The following KIF26B variants were observed in gnomAD, a reference collection of about 807,000 sequenced individuals.
KIF26B encodes the protein kinesin family member 26B, also known as kinesin-like protein KIF26B.
KIF26B carries 63 observed loss-of-function variants against 151.2 expected under a neutral mutation model. The observed-to-expected ratio is 0.42, with a 90% CI of 0.34 to 0.51. The LOEUF (loss-of-function observed/expected upper bound fraction) is 0.51. KIF26B is among the 20% of genes least tolerant of loss of function. The pLI, the probability that KIF26B is intolerant of heterozygous loss-of-function variation, is 0.07. For missense variants in KIF26B, 2,813 were observed against 2,913.6 expected, an observed-to-expected ratio of 0.97 and a Z score of 0.79; for synonymous variants, 1,357 against 1,262.1, an observed-to-expected ratio of 1.08 and a Z score of -1.59.
chr1:245,356,680 C>G (rs560441317), intron 2 of KIF26B, among the ~76,000 whole-genome samples: 1 of 152,362 alleles, frequency 6.6e-6, no homozygotes, highest in South Asian at 2.1e-4. Flanking sequence ...TGTGTGCCTA[C>G]TTGACTTCAG....
At chr1:245,562,193 G>A (rs2042963317) in intron 5 of KIF26B, among the ~76,000 whole-genome samples, 1 of 152,170 alleles carries the variant, frequency 6.6e-6, no homozygotes, top group Non-Finnish European at 1.5e-5. Flanking sequence ...GGCAGAGAGG[G>A]ACCTGGGGAG....
Position 245,460,710 on chromosome 1 carries a change from G to A in KIF26B, c.1166+40965G>A, listed in dbSNP as rs182626441. On this transcript the variant is annotated intron_variant, in intron 4 of 14. Transcript: ENST00000407071. ...ATGCCAACCTGCCTTTTCTTCCAGC[G>A]GCAGAGGACCTCAGGCCGTGGTGTG... Among the ~76,000 whole-genome samples, 18 of 152,310 alleles carry A rather than the reference G, an allele frequency of 1.2e-4. No individual in the cohort carries two copies. In the East Asian group the frequency reaches 3.1e-3, roughly 26 times the overall value.
chr1:245,640,577 A>G (rs768651869), intron 9 of KIF26B, among the ~76,000 whole-genome samples: 2 of 151,978 alleles, frequency 1.3e-5, no homozygotes, highest in Non-Finnish European at 2.9e-5. Flanking sequence ...TAGTTGTTAT[A>G]TAGTGTACCT....
chr1:245,537,688 A>T (rs1385770138), intron 4 of KIF26B, among the ~76,000 whole-genome samples: 2 of 152,204 alleles, frequency 1.3e-5, no homozygotes, highest in African/African-American at 2.4e-5. Context: ...CGAAGAAGTC[A>T]TTGGAAGGAT....
chr1:245,630,008 A>T (rs1365387581), intron 9 of KIF26B, among the ~76,000 whole-genome samples: 2 of 152,244 alleles, frequency 1.3e-5, no homozygotes, highest in Non-Finnish European at 2.9e-5. Flanking sequence ...TCATTAGAGA[A>T]ATGCAAATCA....
intron 9 of KIF26B, among the ~76,000 whole-genome samples, chr1:245,629,062 G>A (rs2043753281): frequency 6.6e-6 from 1 of 152,072 alleles, no homozygotes; most frequent in South Asian, 2.1e-4. Flanking sequence ...ACCCCTTCAA[G>A]GAGAACTACA....
At chr1:245,246,930 GACAC>G (rs1228603022) in intron 2 of KIF26B, among the ~76,000 whole-genome samples, 3 of 144,158 alleles carry the variant, frequency 2.1e-5, no homozygotes, top group Admixed American at 6.9e-5. Flanking sequence ...CACAGACACA[GACAC>G]ACACAGATAC....
intron 10 of KIF26B, among the ~76,000 whole-genome samples, chr1:245,663,188 A>T (rs907404645): frequency 6.9e-6 from 1 of 144,674 alleles, no homozygotes; most frequent in Admixed American, 7.2e-5. Context: ...CCTGGCAGTA[A>T]GCTGGGGCAC....
At position 245,189,899 on chromosome 1, in the gene KIF26B, A is replaced by G. The variant is rs192562700; in HGVS notation, c.465+33216A>G. Among the ~76,000 whole-genome samples, 603 of 152,360 alleles carry G rather than the reference A, an allele frequency of 4.0e-3. 5 individuals are homozygous for G. Among genetic ancestry groups the G allele is most frequent in the Non-Finnish European group, 5.9e-3 (402 of 68,036 alleles). The stretch of plus-strand genomic sequence containing the variant: ...TGAAAGTCACGTCTTACATGGTGGC[A>G]GACAAGAGAGAAAGAGAGTGAAGTG... On this transcript the variant is annotated intron_variant, in intron 2 of 14. Transcript: ENST00000407071.
chr1:245,468,903 T>A (rs1011192964), intron 4 of KIF26B, among the ~76,000 whole-genome samples: 8 of 152,222 alleles, frequency 5.3e-5, no homozygotes, highest in Non-Finnish European at 1.2e-4. Context: ...CAAGTGAAAC[T>A]ACTTGCTAAA....
At chr1:245,409,229 G>A (rs1674215885) in intron 3 of KIF26B, among the ~76,000 whole-genome samples, 1 of 152,220 alleles carries the variant, frequency 6.6e-6, no homozygotes, top group Non-Finnish European at 1.5e-5. Context: ...TTTTTAAAAA[G>A]CTTGATCTCT....
intron 4 of KIF26B, among the ~76,000 whole-genome samples, chr1:245,422,928 G>A (rs373318497): frequency 2.6e-5 from 4 of 151,882 alleles, no homozygotes; most frequent in Non-Finnish European, 4.4e-5. Flanking sequence ...GTGAGACCCC[G>A]TCTCTACTAA....
At chr1:245,484,233 T>C (rs545045008) in intron 4 of KIF26B, among the ~76,000 whole-genome samples, 1 of 152,042 alleles carries the variant, frequency 6.6e-6, no homozygotes. Context: ...TAACTCACTT[T>C]GGGCAGTATT....
chr1:245,481,921 G>A (rs1012953442), intron 4 of KIF26B, among the ~76,000 whole-genome samples: 2 of 151,592 alleles, frequency 1.3e-5, no homozygotes, highest in African/African-American at 4.8e-5. Flanking sequence ...GCGTCTAACC[G>A]ATAGGGACTC....
intron 2 of KIF26B, among the ~76,000 whole-genome samples, chr1:245,362,936 A>G (rs6703526): frequency 0.016 from 2,427 of 152,344 alleles, 80 homozygotes; most frequent in African/African-American, 0.054. Flanking sequence ...GACCTTAAAC[A>G]TAGAAGTTCA....
chr1:245,259,919 A>G (rs1670601117), intron 2 of KIF26B, among the ~76,000 whole-genome samples: 1 of 124,026 alleles, frequency 8.1e-6, no homozygotes, highest in South Asian at 2.8e-4. Context: ...TGAGTGACAG[A>G]GCGAGGTCCT....
At chr1:245,522,002 T>TTGACCATGGACCACGCTGGTAGATGCCTG (rs1661128143) in intron 4 of KIF26B, among the ~76,000 whole-genome samples, 1 of 151,730 alleles carries the variant, frequency 6.6e-6, no homozygotes, top group Non-Finnish European at 1.5e-5. Flanking sequence ...CCCAAGTAGC[T>TTGACCATGGACCACGCTGGTAGATGCCTG]GGGACTACAG....
chr1:245,293,892 T>G (rs540649631), intron 2 of KIF26B, among the ~76,000 whole-genome samples: 1 of 152,352 alleles, frequency 6.6e-6, no homozygotes, highest in South Asian at 2.1e-4. Context: ...TCTTTTTATT[T>G]TTTTGTTTAG....
At chr1:245,676,801 T>TC (rs2044361832) in intron 10 of KIF26B, among the ~76,000 whole-genome samples, 1 of 152,202 alleles carries the variant, frequency 6.6e-6, no homozygotes, top group Non-Finnish European at 1.5e-5. Context: ...CTGAGGGCTC[T>TC]CATGAATGCT....
Sources: allele counts gnomAD v4.1 joint callset (sites outside exome capture counted in the v4.1 genomes callset), GRCh38; gene constraint gnomAD v4.1.1; transcripts MANE v1.5; gene names NCBI Gene and HGNC (gene_info 2026-07-23, HGNC 2026-07-21).